B4GALT6: variants seen among roughly 807,000 people sequenced by gnomAD.
B4GALT6 encodes beta-1,4-galactosyltransferase 6.
B4GALT6 carries 14 observed loss-of-function variants against 46.3 expected under a neutral mutation model. The observed-to-expected ratio is 0.30, with a 90% confidence interval of 0.20 to 0.47. B4GALT6 has a LOEUF of 0.47. Among genes scored for constraint, B4GALT6 ranks in the 20% least tolerant of loss-of-function variants. B4GALT6 has a pLI of 0.99. For synonymous variants in B4GALT6, 168 were observed against 162.0 expected (o/e 1.04, Z -0.28); for missense variants, 386 against 480.1 (o/e 0.80, Z 1.83).
intron 5 of B4GALT6, among the ~76,000 whole-genome samples, chr18:31,632,645 T>A (rs1387344583): frequency 2.0e-5 from 3 of 152,234 alleles, no homozygotes; most frequent in Admixed American, 6.5e-5. Context: ...CTACCTCTAT[T>A]CTCCCAATAT....
chr18:31,638,250 G>A (rs536181255), intron 5 of B4GALT6, among the ~76,000 whole-genome samples: 23 of 152,142 alleles, frequency 1.5e-4, no homozygotes, highest in Middle Eastern at 3.4e-3. Context: ...GAATTTGGCC[G>A]GGCACAGTGG....
At chr18:31,688,630 C>A (rs1378684362), upstream of B4GALT6, among the ~76,000 whole-genome samples, 1 of 152,168 alleles carries the variant, frequency 6.6e-6, no homozygotes, top group African/African-American at 2.4e-5. Flanking sequence ...CAAGATCATT[C>A]TTTCACATCA....
the B4GALT6 span, among the ~76,000 whole-genome samples, chr18:31,716,734 C>T: frequency 2.6e-5 from 4 of 152,138 alleles, no homozygotes; most frequent in East Asian, 5.8e-4. Flanking sequence ...CTTGGAGGTA[C>T]CCCAAGTCAT....
rs143190962 is a variant in B4GALT6, at chr18:31,647,732, T to C, written c.347-2253A>G. Among the ~76,000 whole-genome samples the C allele has an allele frequency of 3.6e-3, 546 of 152,192 alleles. 6 individuals carry two copies. Among genetic ancestry groups the C allele is most frequent in the African/African-American group, 0.013 (525 of 41,512 alleles). On this transcript the variant is annotated intron_variant, in intron 3 of 8. Coordinates refer to ENST00000306851, the MANE Select transcript of B4GALT6 (RefSeq NM_004775.5). Reference sequence around the variant, plus strand: ...CATTCATCATTGTGGGGAGTGGTATTAGGGAGAAGATCCTGTACATAGGAA... The same window carrying C: ...CATTCATCATTGTGGGGAGTGGTATCAGGGAGAAGATCCTGTACATAGGAA...
chr18:31,712,141 A>G, the B4GALT6 span, among the ~76,000 whole-genome samples: 2 of 152,184 alleles, frequency 1.3e-5, no homozygotes, highest in Middle Eastern at 3.2e-3. Flanking sequence ...AAAAATCAAT[A>G]ACATTAAAAG....
At position 31,622,247 on chromosome 18, in the gene B4GALT6, C is replaced by A. The variant is rs79242721; in HGVS notation, c.*3367G>T. 628 of 151,974 alleles carry A rather than the reference C, an allele frequency of 4.1e-3. 2 individuals are homozygous for A. Among genetic ancestry groups the A allele is most frequent in the African/African-American group, 0.015 (605 of 41,496 alleles). The allele number at this position is 151,974 out of a possible 1,614,324, so 9.4% of individuals were successfully genotyped here. A position where few individuals can be genotyped will look rare whatever the true frequency, so the allele number is the denominator to read the frequency against. On this transcript the variant is annotated 3_prime_UTR_variant, in exon 9 of 9. Transcript: ENST00000306851. ...AAATAATTACATCTTCACACAAAGT[C>A]TTTAGAACATTATATTTCATAAAAG... is the stretch of plus-strand genomic sequence containing the variant.
chr18:31,644,838 A>T (rs2073972613), intron 4 of B4GALT6, among the ~76,000 whole-genome samples: 1 of 152,364 alleles, frequency 6.6e-6, no homozygotes, highest in South Asian at 2.1e-4. Flanking sequence ...CCAACTTTTC[A>T]AGTCCCACAG....
the B4GALT6 span, among the ~76,000 whole-genome samples, chr18:31,723,511 G>T: frequency 6.6e-6 from 1 of 152,104 alleles, no homozygotes. Context: ...TTAAGTCAAG[G>T]CAGGATGACA....
rs912821266 is a variant in B4GALT6 at position 31,623,732 on chromosome 18, TATC to T, written c.*1879_*1881del. On this transcript the variant is annotated 3_prime_UTR_variant, in exon 9 of 9. Coordinates refer to ENST00000306851, the MANE Select transcript of B4GALT6 (RefSeq NM_004775.5). ...ATAAATATGAAAATATTTTGTTTGG[TATC>T]ATAACACAGAAGCTATCCATTTTCT... 5.9e-5 allele frequency: 9 copies of T among 152,194 alleles called. No individual in the cohort carries two copies. The highest frequency in any genetic ancestry group is 2.1e-4 in the South Asian group (1 of 4,828). 9.4% of individuals were successfully genotyped at this position (152,194 alleles called of 1,614,324 possible).
chr18:31,709,399 T>C, the B4GALT6 span, among the ~76,000 whole-genome samples: 1 of 146,868 alleles, frequency 6.8e-6, no homozygotes, highest in Admixed American at 6.8e-5. Context: ...CCATGGACAA[T>C]AGAGTATGTG....
chr18:31,653,435 C>CTTTTTTTTTTTTTTTTTTTT (rs5823819), intron 3 of B4GALT6, among the ~76,000 whole-genome samples: 1 of 74,146 alleles, frequency 1.3e-5, no homozygotes, highest in African/African-American at 5.4e-5. Context: ...AACCTTTTTT[C>CTTTTTTTTTTTTTTTTTTTT]TTTTTTTTTT....
the B4GALT6 span, chr18:31,724,054 C>A: frequency 1.6e-5 from 5 of 318,408 alleles, no homozygotes; most frequent in Admixed American, 2.0e-4. Context: ...GGTGTTCCGG[C>A]CGGGCAGGGC....
chr18:31,655,582 G>A (rs1598901727), intron 3 of B4GALT6, among the ~76,000 whole-genome samples: 1 of 152,156 alleles, frequency 6.6e-6, no homozygotes, highest in Non-Finnish European at 1.5e-5. Context: ...CCAGAATGAT[G>A]AAGTGGCAGA....
the B4GALT6 span, among the ~76,000 whole-genome samples, chr18:31,711,992 C>T: frequency 6.6e-6 from 1 of 152,154 alleles, no homozygotes. Flanking sequence ...AGAGCACAGC[C>T]CTGACTACTT....
At chr18:31,649,676 C>G (rs569874665) in intron 3 of B4GALT6, among the ~76,000 whole-genome samples, 89 of 150,536 alleles carry the variant, frequency 5.9e-4, no homozygotes, top group African/African-American at 2.1e-3. Flanking sequence ...CACAAATCAT[C>G]AGAGAAATGC....
the B4GALT6 span, among the ~76,000 whole-genome samples, chr18:31,718,011 T>C: frequency 8.2e-5 from 12 of 145,766 alleles, no homozygotes; most frequent in Admixed American, 8.2e-4. Context: ...GAAAAGGGAG[T>C]CATGCATAAA....
At chr18:31,635,351 T>C (rs1036973804) in intron 5 of B4GALT6, among the ~76,000 whole-genome samples, 31 of 152,012 alleles carry the variant, frequency 2.0e-4, no homozygotes, top group African/African-American at 7.2e-4. Flanking sequence ...GTAAAACTGA[T>C]CTAGAAATCT....
intron 5 of B4GALT6, among the ~76,000 whole-genome samples, chr18:31,631,839 C>T (rs1211885470): frequency 5.9e-5 from 9 of 152,126 alleles, no homozygotes. Flanking sequence ...AGCCCAACTT[C>T]CTTTATTACA....
At position 31,645,397 on chromosome 18, in the gene B4GALT6, T is replaced by A; in HGVS notation, c.429A>T (p.Pro143=). Residue 143 remains proline, a synonymous_variant, in exon 4 of 9, where the codon CCA becomes CCT. Transcript: ENST00000306851. Reference sequence around the variant, plus strand: ...AGTCTTTTGGCCTCCAATGACCCCCTGGCTCAATATCTAAATCCTTGGAGA... The same window carrying A: ...AGTCTTTTGGCCTCCAATGACCCCCAGGCTCAATATCTAAATCCTTGGAGA... ...QLFSKDLDIE[P]GGHWRPKDCK... 2 of 1,613,936 alleles carry A rather than the reference T, an allele frequency of 1.2e-6. No homozygotes were observed. Among genetic ancestry groups the A allele is most frequent in the Non-Finnish European group, 1.7e-6 (2 of 1,179,924 alleles).
Sources: gnomAD v4.1 joint callset for allele counts (sites outside exome capture counted in the v4.1 genomes callset) on GRCh38, gnomAD v4.1.1 for gene constraint, MANE v1.5 for transcripts, NCBI Gene and HGNC (gene_info 2026-07-23, HGNC 2026-07-21) for gene names.